The following RBM33 variants were observed in gnomAD, a reference collection of about 807,000 sequenced individuals.
RBM33 encodes the protein RNA binding motif protein 33.
A neutral mutation model predicts 132.6 loss-of-function variants in RBM33; 28 were observed. The ratio of observed to expected loss-of-function variants is 0.21; its 90% CI spans 0.16 to 0.29. RBM33 has a LOEUF of 0.29. Among genes scored for constraint, RBM33 ranks in the 10% least tolerant of loss-of-function variants. RBM33 has a pLI of 1.00. For synonymous variants in RBM33, 634 were observed against 593.0 expected (o/e 1.07, Z -1.01); for missense variants, 1,291 against 1,518.5 (o/e 0.85, Z 2.49).
intron 8 of RBM33, among the ~76,000 whole-genome samples, chr7:155,716,332 T>TTTTTTTA (rs1554477955): frequency 6.7e-6 from 1 of 149,938 alleles, no homozygotes; most frequent in African/African-American, 2.5e-5. Context: ...TTTTTTTTTT[T>TTTTTTTA]AAATAGGGAA....
chr7:155,776,967 A>C lies in RBM33; in HGVS notation c.*1926A>C, dbSNP rs958893231. The C allele has an allele frequency of 2.6e-5, 4 of 152,212 alleles. No homozygotes were observed. The highest frequency in any genetic ancestry group is 7.2e-5 in the African/African-American group (3 of 41,440). The allele number at this position is 152,212 out of a possible 1,614,324, so 9.4% of individuals were successfully genotyped here. On this transcript the variant is annotated 3_prime_UTR_variant, in exon 18 of 18. Transcript: ENST00000401878. The surrounding 1 kb of genome is among the most constrained non-coding windows in gnomAD (Gnocchi z 4.0). Reference sequence around the variant, plus strand: ...TAATTAAGAGAGATCCAAACCACTCAGTACCCACTGGGCAGTGGGAAGGCC... The same window carrying C: ...TAATTAAGAGAGATCCAAACCACTCCGTACCCACTGGGCAGTGGGAAGGCC...
chr7:155,770,081 G>A (rs555344702), intron 16 of RBM33, among the ~76,000 whole-genome samples: 7 of 152,324 alleles, frequency 4.6e-5, no homozygotes, highest in South Asian at 4.1e-4. Flanking sequence ...GTCAGGAGAC[G>A]TTTTAAAATT....
chr7:155,655,410 T>C (rs939187994), intron 1 of RBM33, among the ~76,000 whole-genome samples: 1 of 152,194 alleles, frequency 6.6e-6, no homozygotes, highest in African/African-American at 2.4e-5. Flanking sequence ...TGAACATCCT[T>C]GTACATATTA....
At chr7:155,725,037 T>C (rs35472549) in intron 9 of RBM33, among the ~76,000 whole-genome samples, 2 of 146,236 alleles carry the variant, frequency 1.4e-5, no homozygotes, top group Non-Finnish European at 3.0e-5. Flanking sequence ...TGTGTGTGTG[T>C]ACAGATTTTT....
intron 14 of RBM33, among the ~76,000 whole-genome samples, chr7:155,759,204 T>C (rs539552782): frequency 2.0e-5 from 3 of 152,330 alleles, no homozygotes; most frequent in Admixed American, 2.0e-4. Flanking sequence ...CTTTTTGTAA[T>C]ACCTGTATTT....
chr7:155,649,629 T>C (rs1798301306), intron 1 of RBM33, among the ~76,000 whole-genome samples: 1 of 152,168 alleles, frequency 6.6e-6, no homozygotes, highest in South Asian at 2.1e-4. Flanking sequence ...CTGGGTTTGC[T>C]ATATTTCTTG....
At chr7:155,698,900 C>T (rs1259560267) in intron 5 of RBM33, among the ~76,000 whole-genome samples, 2 of 152,240 alleles carry the variant, frequency 1.3e-5, no homozygotes, top group Non-Finnish European at 1.5e-5. Flanking sequence ...TTTATCCATT[C>T]ATTCATTGAA....
chr7:155,749,750 G>A (rs1004407364), intron 14 of RBM33, among the ~76,000 whole-genome samples: 11 of 152,206 alleles, frequency 7.2e-5, no homozygotes, highest in African/African-American at 2.4e-4. Flanking sequence ...TAGGCCTGGC[G>A]AGTGGCTGGG....
At chr7:155,722,097 T>G (rs897633976) in intron 9 of RBM33, among the ~76,000 whole-genome samples, 5 of 152,250 alleles carry the variant, frequency 3.3e-5, no homozygotes, top group African/African-American at 1.2e-4. Context: ...GTTACAGATA[T>G]GCACGTTAGT....
rs566968707 is a variant in RBM33, at chr7:155,684,874, T to TA, written c.567+3973dup. 23 of 1,511,288 alleles carry TA rather than the reference T, an allele frequency of 1.5e-5. No individual in the cohort carries two copies. In the South Asian group the frequency reaches 1.8e-4, roughly 12 times the overall value. The allele number at this position is 1,511,288 out of a possible 1,614,324, so 93.6% of individuals were successfully genotyped here. On this transcript the variant is annotated intron_variant, in intron 5 of 17. Coordinates refer to ENST00000401878, the MANE Select transcript of RBM33 (RefSeq NM_053043.3). The stretch of plus-strand genomic sequence containing the variant: ...ATGAATCATAAAGACGAAAAGTACG[T>TA]AAAAAAACCACCCCAAAGCTGTATG...
rs1431852016 is a variant in RBM33 at position 155,774,318 on chromosome 7, A to C, written c.3376-241A>C. 6.6e-6 allele frequency among the ~76,000 whole-genome samples: 1 copy of C among 152,200 alleles called. No homozygotes were observed. Among genetic ancestry groups the C allele is most frequent in the Non-Finnish European group, 1.5e-5 (1 of 68,052 alleles). On this transcript the variant is annotated intron_variant, in intron 16 of 17. Transcript: ENST00000401878. This position sits in a 1 kb window ranked among gnomAD's most constrained non-coding sequence, Gnocchi z 4.2. ...GGGCCAGATGATGGGAGGCCTTAACACTAGGCTTGGAAGATGTAACTGTTG... is the reference window on the plus strand; with the variant it reads ...GGGCCAGATGATGGGAGGCCTTAACCCTAGGCTTGGAAGATGTAACTGTTG...
chr7:155,645,232 A>G (rs1011580529), intron 1 of RBM33: 5 of 313,618 alleles, frequency 1.6e-5, no homozygotes, highest in South Asian at 1.4e-4. Flanking sequence ...CTGGTGTCCT[A>G]TGGGTAGGAG....
At chr7:155,757,124 G>C (rs1360345784) in intron 14 of RBM33, among the ~76,000 whole-genome samples, 1 of 150,080 alleles carries the variant, frequency 6.7e-6, no homozygotes, top group African/African-American at 2.5e-5. Flanking sequence ...AGTAAAATTT[G>C]AATGTGATCA....
intron 2 of RBM33, among the ~76,000 whole-genome samples, chr7:155,672,064 T>G (rs917256020): frequency 4.6e-5 from 7 of 152,230 alleles, no homozygotes; most frequent in Admixed American, 4.6e-4. Flanking sequence ...CCTTAGTTAC[T>G]GTGATTTGAT....
chr7:155,700,671 A>C, intron 5 of RBM33, 102 bp from the exon 6 acceptor site: 1 of 889,864 alleles, frequency 1.1e-6, no homozygotes, highest in East Asian at 2.7e-5. Context: ...TATTTTTTAC[A>C]TCTGAAATAT....
intron 9 of RBM33, among the ~76,000 whole-genome samples, chr7:155,731,612 G>T (rs1439447059): frequency 6.6e-6 from 1 of 152,194 alleles, no homozygotes; most frequent in Non-Finnish European, 1.5e-5. Flanking sequence ...CATTCCCCGG[G>T]CTGGACGGAG....
At chr7:155,753,161 A>G (rs1801737498) in intron 14 of RBM33, among the ~76,000 whole-genome samples, 1 of 152,234 alleles carries the variant, frequency 6.6e-6, no homozygotes, top group Non-Finnish European at 1.5e-5. Context: ...TTCTGTTGAC[A>G]TTTAGATGAT....
At chr7:155,715,401 A>C (rs1042641722) in intron 8 of RBM33, among the ~76,000 whole-genome samples, 2 of 152,210 alleles carry the variant, frequency 1.3e-5, no homozygotes, top group African/African-American at 4.8e-5. Flanking sequence ...TCACTAAAAT[A>C]GTCTTAGAAA....
chr7:155,725,260 G>T (rs544860056), intron 9 of RBM33, among the ~76,000 whole-genome samples: 28 of 141,578 alleles, frequency 2.0e-4, no homozygotes, highest in Admixed American at 1.8e-3. Context: ...AGCATATATG[G>T]TTGAAAATCA....
Sources: gnomAD v4.1 joint callset for allele counts (sites outside exome capture counted in the v4.1 genomes callset) on GRCh38, gnomAD v4.1.1 for gene constraint, Gnocchi (gnomAD v3.1) non-coding constraint, MANE v1.5 for transcripts, NCBI Gene and HGNC (gene_info 2026-07-23, HGNC 2026-07-21) for gene names.